The following MEGF11 variants were observed in gnomAD, a reference collection of about 807,000 sequenced individuals.
MEGF11 encodes multiple epidermal growth factor-like domains protein 11.
Under a neutral mutation model 146.6 loss-of-function variants are expected in MEGF11, and 126 were observed. The ratio of observed to expected loss-of-function variants is 0.86; its 90% CI spans 0.74 to 1.00. The LOEUF (loss-of-function observed/expected upper bound fraction) is 1.00. MEGF11 is among the 50% of genes least tolerant of loss of function. The pLI, the probability that MEGF11 is intolerant of heterozygous loss-of-function variation, is 0.00. For missense variants in MEGF11, 1,509 were observed against 1,521.2 expected (o/e 0.99, Z 0.13); for synonymous variants, 532 against 583.4 (o/e 0.91, Z 1.27).
At chr15:66,195,903 G>GT (rs1419864453) in intron 1 of MEGF11, among the ~76,000 whole-genome samples, 2 of 152,236 alleles carry the variant, frequency 1.3e-5, no homozygotes, top group East Asian at 3.9e-4. Context: ...AGGGGCTGGA[G>GT]TAAGACGTGG....
chr15:66,109,973 A>G (rs2087306188), intron 4 of MEGF11, among the ~76,000 whole-genome samples: 1 of 152,186 alleles, frequency 6.6e-6, no homozygotes, highest in Non-Finnish European at 1.5e-5. Context: ...AGAGAGATGG[A>G]CAGGCACAGC....
At chr15:66,129,927 G>T (rs1476951731) in intron 1 of MEGF11, among the ~76,000 whole-genome samples, 1 of 152,194 alleles carries the variant, frequency 6.6e-6, no homozygotes, top group Non-Finnish European at 1.5e-5. Flanking sequence ...GATTTCAAAT[G>T]AATGCATTCT....
Position 65,965,125 on chromosome 15 carries a change from G to A in MEGF11, c.900-5C>T. 1 of 1,579,492 alleles carries A rather than the reference G, an allele frequency of 6.3e-7. No homozygotes were observed. Among genetic ancestry groups the A allele is most frequent in the Non-Finnish European group, 8.6e-7 (1 of 1,158,796 alleles). On this transcript the variant is annotated splice_polypyrimidine_tract_variant and splice_region_variant and intron_variant, in intron 8 of 25. Coordinates refer to ENST00000395614, the MANE Select transcript of MEGF11 (RefSeq NM_001385028.1). ...AAGGGGCACTCCTCTTGGCACCTGT[G>A]GGAGAGCAGAGTGGGGCTGAGGCTG... is the stretch of plus-strand genomic sequence containing the variant.
chr15:65,951,962 A>G (rs919259391), intron 10 of MEGF11, among the ~76,000 whole-genome samples: 1 of 152,090 alleles, frequency 6.6e-6, no homozygotes, highest in Non-Finnish European at 1.5e-5. Flanking sequence ...TGATTGTGCC[A>G]TTACACTACA....
At chr15:66,157,292 A>G (rs2089795806) in intron 1 of MEGF11, among the ~76,000 whole-genome samples, 1 of 152,202 alleles carries the variant, frequency 6.6e-6, no homozygotes, top group Non-Finnish European at 1.5e-5. Context: ...TGCTTTCCTG[A>G]TCACAGCTAG....
intron 13 of MEGF11, among the ~76,000 whole-genome samples, 190 bp from the exon 14 acceptor site, chr15:65,923,159 C>G (rs2079236562): frequency 6.6e-6 from 1 of 152,098 alleles, no homozygotes; most frequent in Admixed American, 6.6e-5. Flanking sequence ...GTCCAGAGTT[C>G]TAAAAGTCGA....
At chr15:65,974,690 C>A (rs1376446476) in intron 7 of MEGF11, among the ~76,000 whole-genome samples, 4 of 152,042 alleles carry the variant, frequency 2.6e-5, no homozygotes, top group African/African-American at 4.8e-5. Context: ...AGGGGTCCTT[C>A]TTCCTCCTGG....
chr15:66,203,904 T>C (rs2091232151), intron 1 of MEGF11, among the ~76,000 whole-genome samples: 1 of 152,196 alleles, frequency 6.6e-6, no homozygotes, highest in South Asian at 2.1e-4. Context: ...TTTTTGGAGA[T>C]GTATGTTGAC....
At chr15:66,202,245 C>A (rs959072238) in intron 1 of MEGF11, among the ~76,000 whole-genome samples, 5 of 152,244 alleles carry the variant, frequency 3.3e-5, no homozygotes, top group African/African-American at 9.6e-5. Context: ...ACCCCAAATG[C>A]GTACACACAC....
rs945196687 is a variant in MEGF11 at position 65,897,668 on chromosome 15, A to T, written c.*266T>A. 1.1e-5 allele frequency: 3 copies of T among 269,400 alleles called. No homozygotes were observed. Among genetic ancestry groups the T allele is most frequent in the African/African-American group, 6.6e-5 (3 of 45,498 alleles). The allele number at this position is 269,400 out of a possible 1,614,324, so 16.7% of individuals were successfully genotyped here. A position where few individuals can be genotyped will look rare whatever the true frequency, so the allele number is the denominator to read the frequency against. ...TATCAGCTATATTTAGCTGATGTTG[A>T]TGAGTAGCTGTATCTTAAAATGTTT... is the stretch of plus-strand genomic sequence containing the variant. On this transcript the variant is annotated 3_prime_UTR_variant, in exon 26 of 26. Coordinates refer to ENST00000395614, the MANE Select transcript of MEGF11 (RefSeq NM_001385028.1).
At chr15:66,156,146 G>A (rs750068199) in intron 1 of MEGF11, among the ~76,000 whole-genome samples, 1 of 152,154 alleles carries the variant, frequency 6.6e-6, no homozygotes, top group South Asian at 2.1e-4. Flanking sequence ...AGGTTGGAAG[G>A]AGGGTCAGAG....
chr15:66,246,731 A>C (rs2092301455), intron 1 of MEGF11, among the ~76,000 whole-genome samples: 1 of 152,100 alleles, frequency 6.6e-6, no homozygotes, highest in African/African-American at 2.4e-5. Flanking sequence ...GAATCGTTTG[A>C]CCCAAGCAGG....
intron 1 of MEGF11, among the ~76,000 whole-genome samples, chr15:66,210,027 T>C (rs929174244): frequency 3.3e-5 from 5 of 152,168 alleles, no homozygotes; most frequent in Admixed American, 6.5e-5. Context: ...GGTCTCTCTA[T>C]GTTGCCCAGG....
chr15:66,132,356 A>G (rs1273966137), intron 1 of MEGF11, among the ~76,000 whole-genome samples: 2 of 152,254 alleles, frequency 1.3e-5, no homozygotes, highest in Non-Finnish European at 2.9e-5. Context: ...CTTAAGATCC[A>G]TCTAAGCAAA....
At chr15:66,030,567 G>A (rs533133124) in intron 5 of MEGF11, among the ~76,000 whole-genome samples, 3 of 151,994 alleles carry the variant, frequency 2.0e-5, no homozygotes, top group African/African-American at 7.3e-5. Context: ...TCACCACCAC[G>A]CCCAGCTAAT....
intron 7 of MEGF11, among the ~76,000 whole-genome samples, chr15:65,975,289 C>T (rs1001858852): frequency 1.4e-4 from 21 of 152,360 alleles, no homozygotes; most frequent in African/African-American, 4.6e-4. Flanking sequence ...CATGCCACCA[C>T]ATCTGGCCAG....
At chr15:66,225,726 G>A (rs199565372) in intron 1 of MEGF11, among the ~76,000 whole-genome samples, 15 of 151,812 alleles carry the variant, frequency 9.9e-5, no homozygotes, top group Middle Eastern at 3.4e-3. Context: ...ACACACACAC[G>A]CACACTATCA....
At position 66,004,191 on chromosome 15, in the gene MEGF11, G is replaced by A. The variant is rs567190858; in HGVS notation, c.395-21703C>T. On this transcript the variant is annotated intron_variant, in intron 5 of 25. Transcript: ENST00000395614. ...TGGAATGAAAGTAAAGATAATAGCC[G>A]TAAAAGTGCTTAGGATCACCCCTGA... 7.2e-5 allele frequency among the ~76,000 whole-genome samples: 11 copies of A among 152,242 alleles called. No individual in the cohort carries two copies. In the East Asian group the frequency reaches 7.7e-4, roughly 11 times the overall value.
At position 65,898,802 on chromosome 15, in the gene MEGF11, G is replaced by C; in HGVS notation, c.3188C>G (p.Ser1063Trp). 1 of 1,613,972 alleles carries C rather than the reference G, an allele frequency of 6.2e-7. No individual in the cohort carries two copies. ...GTACGGAGACCCCATGTGCACAGGC[G>C]ACTTCATTTCTACATAGCTGCTTTC... The part of the protein sequence containing the change: ...LPESSYVEMK[S>W]PVHMGSPYTD... The change falls in exon 25 of 26, where the codon TCG becomes TGG. Residue 1063 changes from serine to tryptophan, a missense_variant. By Grantham distance (177) the Ser-to-Trp change is radical (BLOSUM62 -3). Coordinates refer to ENST00000395614, the MANE Select transcript of MEGF11 (RefSeq NM_001385028.1).
Sources: allele counts gnomAD v4.1 joint callset (sites outside exome capture counted in the v4.1 genomes callset), GRCh38; gene constraint gnomAD v4.1.1; transcripts MANE v1.5; gene names NCBI Gene and HGNC (gene_info 2026-07-23, HGNC 2026-07-21).